CLDN10: variants seen among roughly 807,000 people sequenced by gnomAD.
The protein encoded by CLDN10 is claudin-10.
A neutral mutation model predicts 22.9 loss-of-function variants in CLDN10; 15 were observed. The ratio of observed to expected loss-of-function variants is 0.65; its 90% CI spans 0.44 to 1.01. The LOEUF (loss-of-function observed/expected upper bound fraction) is 1.01. Among genes scored for constraint, CLDN10 ranks in the 50% least tolerant of loss-of-function variants. The pLI, the probability that CLDN10 is intolerant of heterozygous loss-of-function variation, is 0.00. For synonymous variants in CLDN10, 114 were observed against 111.4 expected, an observed-to-expected ratio of 1.02 and a Z score of -0.15; for missense variants, 247 against 287.8, an observed-to-expected ratio of 0.86 and a Z score of 1.03.
chr13:95,484,585 G>A (rs1390974855), intron 1 of CLDN10, among the ~76,000 whole-genome samples: 3 of 151,736 alleles, frequency 2.0e-5, no homozygotes, highest in African/African-American at 7.3e-5. Context: ...GCTCACGCCT[G>A]TAATCCCAGC....
intron 1 of CLDN10, among the ~76,000 whole-genome samples, chr13:95,531,177 C>T (rs1198704806): frequency 6.6e-6 from 1 of 152,190 alleles, no homozygotes; most frequent in Non-Finnish European, 1.5e-5. Context: ...CTCAGCCTCC[C>T]ATAGTGCTGG....
chr13:95,486,456 G>C (rs887185546), intron 1 of CLDN10, among the ~76,000 whole-genome samples: 1 of 150,854 alleles, frequency 6.6e-6, no homozygotes, highest in African/African-American at 2.4e-5. Context: ...CTGGGAGGTG[G>C]AGGTTACAGT....
intron 1 of CLDN10, among the ~76,000 whole-genome samples, chr13:95,543,990 C>T (rs1012953379): frequency 6.6e-6 from 1 of 152,144 alleles, no homozygotes; most frequent in African/African-American, 2.4e-5. Flanking sequence ...ACAAATTAGA[C>T]ATTTACAGTC....
Position 95,578,165 on chromosome 13 carries a change from C to G in CLDN10, c.*151C>G, listed in dbSNP as rs2043963878. 1 of 536,290 alleles carries G rather than the reference C, an allele frequency of 1.9e-6. No homozygotes were observed. The highest frequency in any genetic ancestry group is 3.4e-5 in the Admixed American group (1 of 29,006). The allele number at this position is 536,290 out of a possible 1,614,324, so 33.2% of individuals were successfully genotyped here. A position where few individuals can be genotyped will look rare whatever the true frequency, so the allele number is the denominator to read the frequency against. On this transcript the variant is annotated 3_prime_UTR_variant, in exon 5 of 5. Transcript: ENST00000299339. The stretch of plus-strand genomic sequence containing the variant: ...TGTTGATTGTATGGATGTAAGTGTT[C>G]TTACATAGTTAGTTATATACTAATC...
intron 1 of CLDN10, among the ~76,000 whole-genome samples, chr13:95,513,887 T>G (rs770594758): frequency 2.6e-5 from 4 of 152,236 alleles, no homozygotes; most frequent in Non-Finnish European, 4.4e-5. Flanking sequence ...CAGTGCTATA[T>G]GATAGACAAT....
At chr13:95,473,848 T>G (rs943132184) in intron 1 of CLDN10, among the ~76,000 whole-genome samples, 2 of 152,162 alleles carry the variant, frequency 1.3e-5, no homozygotes, top group Non-Finnish European at 2.9e-5. Flanking sequence ...CTGTTAAGCT[T>G]CGGAGGGAAC....
intron 1 of CLDN10, among the ~76,000 whole-genome samples, chr13:95,468,783 T>C (rs1457388445): frequency 1.3e-5 from 2 of 152,066 alleles, no homozygotes; most frequent in African/African-American, 4.8e-5. Context: ...TTAGCTACTC[T>C]TAGTCAAGGT....
intron 1 of CLDN10, among the ~76,000 whole-genome samples, chr13:95,467,916 A>T (rs1024501804): frequency 6.6e-6 from 1 of 152,228 alleles, no homozygotes; most frequent in Non-Finnish European, 1.5e-5. Flanking sequence ...AGGCTGTCAG[A>T]TGGGAAGAAT....
At chr13:95,492,918 C>T (rs1049820224) in intron 1 of CLDN10, among the ~76,000 whole-genome samples, 1 of 152,132 alleles carries the variant, frequency 6.6e-6, no homozygotes, top group Non-Finnish European at 1.5e-5. Context: ...AAGTTGGAAA[C>T]TTCTCCCAAA....
chr13:95,482,859 A>G (rs1423507945), intron 1 of CLDN10, among the ~76,000 whole-genome samples: 2 of 152,106 alleles, frequency 1.3e-5, no homozygotes, highest in African/African-American at 2.4e-5. Context: ...TGTGCCTGTA[A>G]TCCCAGCTAC....
At chr13:95,440,768 T>C (rs1271250815) in intron 1 of CLDN10, among the ~76,000 whole-genome samples, 6 of 152,330 alleles carry the variant, frequency 3.9e-5, no homozygotes, top group South Asian at 4.1e-4. Context: ...CGCAGTAGAA[T>C]CTAGACAGGT....
intron 1 of CLDN10, among the ~76,000 whole-genome samples, chr13:95,493,214 G>A (rs1180422997): frequency 6.6e-6 from 1 of 151,954 alleles, no homozygotes; most frequent in East Asian, 1.9e-4. Flanking sequence ...GTGACCTCAG[G>A]TACCTTCCCT....
chr13:95,479,395 G>C (rs776651796), intron 1 of CLDN10: 10 of 152,126 alleles, frequency 6.6e-5, no homozygotes, highest in Non-Finnish European at 1.5e-4. Flanking sequence ...TAGCAAGAAT[G>C]GGTTTTACTT....
At chr13:95,546,322 C>T (rs9516601) in intron 1 of CLDN10, among the ~76,000 whole-genome samples, 45,784 of 151,902 alleles carry the variant, frequency 0.3, 7,632 homozygotes, top group Admixed American at 0.37. Context: ...ACCTCACCTC[C>T]ACCACCTTCC....
intron 3 of CLDN10, among the ~76,000 whole-genome samples, chr13:95,570,779 TTAGA>T (rs1001880912): frequency 1.3e-4 from 19 of 148,664 alleles, no homozygotes; most frequent in African/African-American, 1.5e-4. Flanking sequence ...GAAATTTCAG[TTAGA>T]TAGGAGGAAT....
chr13:95,458,891 T>C (rs1479810592), intron 1 of CLDN10, among the ~76,000 whole-genome samples: 2 of 152,196 alleles, frequency 1.3e-5, no homozygotes, highest in Non-Finnish European at 2.9e-5. Flanking sequence ...CTTCCACCTA[T>C]GAGCCTGTAA....
At chr13:95,563,238 G>T (rs2043742372) in intron 3 of CLDN10, among the ~76,000 whole-genome samples, 1 of 151,310 alleles carries the variant, frequency 6.6e-6, no homozygotes, top group South Asian at 2.1e-4. Flanking sequence ...GAGAGAGATA[G>T]ATGTGATTGG....
intron 1 of CLDN10, among the ~76,000 whole-genome samples, chr13:95,499,252 A>G (rs1026536019): frequency 6.6e-6 from 1 of 152,146 alleles, no homozygotes; most frequent in African/African-American, 2.4e-5. Context: ...TTGAAAAGAG[A>G]CAGGACTGGC....
At position 95,541,305 on chromosome 13, in the gene CLDN10, C is replaced by T. The variant is rs186307521; in HGVS notation, c.215-18827C>T. ...TGCTTCTAATTAAGAGGCAACTATA[C>T]GCAAGTGAGCATAATTAGGAGAAAC... On this transcript the variant is annotated intron_variant, in intron 1 of 4. Transcript: ENST00000376873. 1.0e-3 allele frequency among the ~76,000 whole-genome samples: 159 copies of T among 152,304 alleles called. 1 individual carries two copies. Among genetic ancestry groups the T allele is most frequent in the Middle Eastern group, 3.4e-3 (1 of 294 alleles).
Sources: allele counts gnomAD v4.1 joint callset (sites outside exome capture counted in the v4.1 genomes callset), GRCh38; gene constraint gnomAD v4.1.1; transcripts MANE v1.5; gene names NCBI Gene and HGNC (gene_info 2026-07-23, HGNC 2026-07-21).